MUCL1: variants seen among roughly 807,000 people sequenced by gnomAD.
The protein encoded by MUCL1 is mucin-like protein 1.
MUCL1 carries 11 observed loss-of-function variants against 9.2 expected under a neutral mutation model. The observed-to-expected ratio is 1.19, with a 90% CI of 0.75 to 1.97. The LOEUF is 1.97. Among genes scored for constraint, MUCL1 ranks in the 30% most tolerant of loss-of-function variants. MUCL1 has a pLI of 0.00. For synonymous variants in MUCL1, 48 were observed against 40.5 expected (o/e 1.19, Z -0.71); for missense variants, 144 against 110.9 (o/e 1.30, Z -1.34).
exon 1 of MUCL1, chr12:54,839,439 C>T: frequency 1.4e-6 from 1 of 702,024 alleles, no homozygotes; most frequent in East Asian, 2.7e-5. Flanking sequence ...CTGGCAGTGA[C>T]TAAAGCAGGT....
At chr12:54,851,537 C>A (rs1959340031), upstream of MUCL1, among the ~76,000 whole-genome samples, 1 of 152,148 alleles carries the variant, frequency 6.6e-6, no homozygotes, top group Admixed American at 6.5e-5. Context: ...CTACGACAAA[C>A]CCACAGCCAA....
At chr12:54,847,764 G>A (rs759597589) in intron 1 of MUCL1, among the ~76,000 whole-genome samples, 5 of 152,176 alleles carry the variant, frequency 3.3e-5, no homozygotes, top group Non-Finnish European at 5.9e-5. Flanking sequence ...GCCATCGAAG[G>A]TGGCCTGAAG....
Position 54,833,971 on chromosome 12 carries a change from TAA to T in MUCL1, n.357+3103_357+3104del, listed in dbSNP as rs11476066. Among the ~76,000 whole-genome samples the T allele has an allele frequency of 7.3e-5, 11 of 151,686 alleles. No individual in the cohort carries two copies. The East Asian group carries it at 1.9e-3, about 27-fold the overall frequency. ...ATGTACCCTAAAACTTAAAGTATAA[TAA>T]AAAAAAGTCTACTTAACAGTCGTTT... On this transcript the variant is annotated intron_variant and non_coding_transcript_variant, in intron 1 of 3. Coordinates refer to the MUCL1 transcript ENST00000547990.
At chr12:54,843,243 A>T (rs1035863286) in intron 1 of MUCL1, among the ~76,000 whole-genome samples, 1 of 152,202 alleles carries the variant, frequency 6.6e-6, no homozygotes, top group Non-Finnish European at 1.5e-5. Context: ...TTGATGCTTC[A>T]GTCTTTGGTA....
At chr12:54,848,751 C>T (rs1392663316) in intron 1 of MUCL1, among the ~76,000 whole-genome samples, 1 of 152,118 alleles carries the variant, frequency 6.6e-6, no homozygotes, top group Non-Finnish European at 1.5e-5. Flanking sequence ...CAGCAAAATT[C>T]AACTGAGATA....
At chr12:54,851,994 A>G (rs561770330), upstream of MUCL1, among the ~76,000 whole-genome samples, 85 of 152,318 alleles carry the variant, frequency 5.6e-4, no homozygotes, top group African/African-American at 2.0e-3. Flanking sequence ...TCACTGCTCA[A>G]TGAAATAAAA....
rs557422286 is a variant in MUCL1 at position 54,856,080 on chromosome 12, C to T, written c.101-690C>T. Among the ~76,000 whole-genome samples, 3 of 150,754 alleles carry T rather than the reference C, an allele frequency of 2.0e-5. No homozygotes were observed. In the South Asian group the frequency reaches 6.5e-4, roughly 33 times the overall value. Reference sequence around the variant, plus strand: ...GAGAGATAATTTTCAAAACTCTTACCCAGTCCCCTTTGTACATATAGTAAT... The same window carrying T: ...GAGAGATAATTTTCAAAACTCTTACTCAGTCCCCTTTGTACATATAGTAAT... On this transcript the variant is annotated intron_variant, in intron 2 of 3. Transcript: ENST00000308796.
At chr12:54,856,513 A>G (rs1277311607) in intron 2 of MUCL1, among the ~76,000 whole-genome samples, 1 of 152,172 alleles carries the variant, frequency 6.6e-6, no homozygotes, top group Non-Finnish European at 1.5e-5. Flanking sequence ...CATACCTGGG[A>G]CAAAGTACTT....
At chr12:54,857,045 A>T (rs1868306233) in intron 3 of MUCL1, among the ~76,000 whole-genome samples, 153 bp downstream of exon 3, 1 of 152,084 alleles carries the variant, frequency 6.6e-6, no homozygotes, top group Admixed American at 6.5e-5. Flanking sequence ...AAGTCAACAG[A>T]TAAATATCAG....
intron 1 of MUCL1, among the ~76,000 whole-genome samples, chr12:54,840,358 C>G (rs1307990455): frequency 6.6e-6 from 1 of 152,178 alleles, no homozygotes; most frequent in East Asian, 1.9e-4. Flanking sequence ...CAGAGTGATG[C>G]AGACAATGGT....
chr12:54,839,346 T>C (rs1175771098), upstream of MUCL1: 8 of 700,538 alleles, frequency 1.1e-5, no homozygotes, highest in African/African-American at 3.5e-5. Flanking sequence ...TATTTATTTA[T>C]TAATTTTCTC....
chr12:54,837,772 AAAAAC>A (rs1959195591), upstream of MUCL1, among the ~76,000 whole-genome samples: 2 of 151,398 alleles, frequency 1.3e-5, no homozygotes, highest in African/African-American at 2.4e-5. Context: ...CCGTCTCCAA[AAAAAC>A]AAAAACAAAA....
upstream of MUCL1, chr12:54,839,293 G>A: frequency 1.5e-6 from 1 of 688,484 alleles, no homozygotes; most frequent in African/African-American, 1.8e-5. Context: ...TTGGAATGGT[G>A]GGGGTGTCTT....
chr12:54,833,591 T>G (rs185411510), intron 1 of MUCL1, among the ~76,000 whole-genome samples: 1 of 152,126 alleles, frequency 6.6e-6, no homozygotes, highest in South Asian at 2.1e-4. Context: ...ATGGTTATAT[T>G]GGATTATCTT....
intron 1 of MUCL1, among the ~76,000 whole-genome samples, chr12:54,833,252 A>G (rs1314318456): frequency 6.6e-6 from 1 of 152,160 alleles, no homozygotes; most frequent in Non-Finnish European, 1.5e-5. Context: ...TGAGTTTTGC[A>G]TCGAATATAT....
intron 1 of MUCL1, among the ~76,000 whole-genome samples, chr12:54,848,694 G>A (rs750668715): frequency 1.3e-5 from 2 of 152,136 alleles, no homozygotes; most frequent in Non-Finnish European, 2.9e-5. Flanking sequence ...ACTGCATTCA[G>A]GGAAATGCAA....
chr12:54,830,894 CA>C (rs1959184486), intron 1 of MUCL1: 1 of 152,172 alleles, frequency 6.6e-6, no homozygotes, highest in Non-Finnish European at 1.5e-5. Context: ...TGGATACACA[CA>C]AACAGCTTCA....
intron 3 of MUCL1, among the ~76,000 whole-genome samples, chr12:54,857,231 A>AGTGTGTGTGTGTGTGTGT (rs34504933): frequency 1.4e-4 from 20 of 142,554 alleles, no homozygotes; most frequent in African/African-American, 3.1e-4. Context: ...TAAATCAGGT[A>AGTGTGTGTGTGTGTGTGT]GTGTGTGTGT....
upstream of MUCL1, among the ~76,000 whole-genome samples, chr12:54,837,794 A>T (rs2095545223): frequency 6.6e-6 from 1 of 152,208 alleles, no homozygotes; most frequent in Non-Finnish European, 1.5e-5. Context: ...AAAAACAAAA[A>T]AAATCAATGC....
Sources: allele counts gnomAD v4.1 joint callset (sites outside exome capture counted in the v4.1 genomes callset), GRCh38; gene constraint gnomAD v4.1.1; transcripts MANE v1.5; gene names NCBI Gene and HGNC (gene_info 2026-07-23, HGNC 2026-07-21).